Variants in MYH13 observed in about 807,000 individuals in gnomAD.
MYH13 encodes the protein myosin-13.
MYH13 carries 177 observed loss-of-function variants against 232.1 expected under a neutral mutation model. The ratio of observed to expected loss-of-function variants is 0.76; its 90% CI spans 0.67 to 0.86. The LOEUF (loss-of-function observed/expected upper bound fraction) is 0.86, where lower values mean the gene tolerates loss of function less well. Ranked by LOEUF, MYH13 falls within the 40% of genes least tolerant of loss-of-function variation. The pLI, the probability that MYH13 is intolerant of heterozygous loss-of-function variation, is 0.00. For synonymous variants in MYH13, 884 were observed against 923.5 expected (o/e 0.96, Z 0.78); for missense variants, 2,246 against 2,405.9 (o/e 0.93, Z 1.39).
intron 3 of MYH13, among the ~76,000 whole-genome samples, chr17:10,363,427 G>A (rs2071809703): frequency 2.0e-5 from 3 of 151,954 alleles, no homozygotes; most frequent in Non-Finnish European, 2.9e-5. Flanking sequence ...GGGTTTCACA[G>A]AAAAGATAAA....
In MYH13 at chr17:10,306,400, G is replaced by A. The variant is rs1906286505; in HGVS notation, c.5466+59C>T. On this transcript the variant is annotated intron_variant, in intron 37 of 40. Coordinates refer to ENST00000252172, the MANE Select transcript of MYH13 (RefSeq NM_003802.3). The surrounding 1 kb of genome is among the most constrained non-coding windows in gnomAD (Gnocchi z 4.3). ...CCTTTTCCCACCATCTCAGTTTCTG[G>A]ACTGTGGTTCTGTCCGAGGCTGTCA... 1 of 1,605,470 alleles carries A rather than the reference G, an allele frequency of 6.2e-7. No individual in the cohort carries two copies.
At chr17:10,334,826 C>G (rs2071559793) in intron 18 of MYH13, among the ~76,000 whole-genome samples, 1 of 152,084 alleles carries the variant, frequency 6.6e-6, no homozygotes, top group African/African-American at 2.4e-5. Context: ...TTGCAGTGAG[C>G]CGAGATTGTG....
In MYH13 at chr17:10,309,228, A is replaced by T. The variant is rs561600634; in HGVS notation, c.5169+6T>A. 1 of 1,612,214 alleles carries T rather than the reference A, an allele frequency of 6.2e-7. No individual in the cohort carries two copies. Among genetic ancestry groups the T allele is most frequent in the Non-Finnish European group, 8.5e-7 (1 of 1,179,482 alleles). ...ACCTTCAGCGGAGGAGTGAGGGCCG[A>T]CGCACCTGGGAGTGCAGGAGCTGCA... On this transcript the variant is annotated splice_donor_region_variant and intron_variant, in intron 35 of 40. Transcript: ENST00000252172.
chr17:10,356,521 G>A (rs2071750430), intron 8 of MYH13, among the ~76,000 whole-genome samples: 1 of 152,170 alleles, frequency 6.6e-6, no homozygotes, highest in Admixed American at 6.5e-5. Context: ...ACATACCTCT[G>A]CCATGTAACA....
intron 18 of MYH13, among the ~76,000 whole-genome samples, chr17:10,336,324 C>T (rs2071574914): frequency 6.6e-6 from 1 of 152,222 alleles, no homozygotes; most frequent in Non-Finnish European, 1.5e-5. Context: ...GCTATTCTCT[C>T]ATCCTTCTGC....
At chr17:10,302,148 T>G (rs539186382) in intron 39 of MYH13, among the ~76,000 whole-genome samples, 2 of 152,266 alleles carry the variant, frequency 1.3e-5, no homozygotes, top group East Asian at 3.9e-4. Flanking sequence ...TAAAATGTCC[T>G]CCTGGGCACC....
chr17:10,312,535 C>T (rs1387243048), intron 31 of MYH13, 39 bp downstream of exon 31: 1 of 1,583,014 alleles, frequency 6.3e-7, no homozygotes, highest in Non-Finnish European at 8.6e-7. Context: ...TTGAATTATC[C>T]TCATGCCATC....
At position 10,306,334 on chromosome 17, in the gene MYH13, A is replaced by G; in HGVS notation, c.5466+125T>C. 7.3e-7 allele frequency: 1 copy of G among 1,364,622 alleles called. No homozygotes were observed. The highest frequency in any genetic ancestry group is 1.0e-6 in the Non-Finnish European group (1 of 996,126). The allele number at this position is 1,364,622 out of a possible 1,614,324, so 84.5% of individuals were successfully genotyped here. A position where few individuals can be genotyped will look rare whatever the true frequency, so the allele number is the denominator to read the frequency against. ...AATGAAGCTCACAGGGAATTTTTCA[A>G]GCAGTCCTGAAACTGAATTTGCAAT... On this transcript the variant is annotated intron_variant, in intron 37 of 40. Coordinates refer to ENST00000252172, the MANE Select transcript of MYH13 (RefSeq NM_003802.3). The surrounding 1 kb of genome is among the most constrained non-coding windows in gnomAD (Gnocchi z 4.3).
chr17:10,309,722 G>C lies in MYH13; in HGVS notation c.4765C>G (p.Gln1589Glu). 6.2e-7 allele frequency: 1 copy of C among 1,604,198 alleles called. No individual in the cohort carries two copies. The change falls in exon 34 of 41, where the codon CAG becomes GAG. Residue 1589 changes from glutamine (Q) to glutamate (E), a missense_variant. Gln to Glu is a conservative substitution (Grantham distance 29, BLOSUM62 2). Coordinates refer to ENST00000252172, the MANE Select transcript of MYH13 (RefSeq NM_003802.3). ...KVIEKDEEIE[Q>E]LKRNSQRAAE... ...GCCCGCTGGCTGTTTCTTTTTAGCT[G>C]CTCGATTTCTTCATCCTTCTCAATG...
chr17:10,313,444 A>T (rs1906591827), intron 29 of MYH13, 90 bp from the exon 30 acceptor site: 1 of 1,583,078 alleles, frequency 6.3e-7, no homozygotes, highest in East Asian at 2.2e-5. Flanking sequence ...CCCCAACTTG[A>T]ATTATCCCTA....
chr17:10,313,105 C>T lies in MYH13; in HGVS notation c.4181+53G>A, dbSNP rs570183869. 5.0e-6 allele frequency: 8 copies of T among 1,612,414 alleles called. No individual in the cohort carries two copies. In the African/African-American group the frequency reaches 9.3e-5, roughly 19 times the overall value. On this transcript the variant is annotated intron_variant, in intron 30 of 40. Coordinates refer to ENST00000252172, the MANE Select transcript of MYH13 (RefSeq NM_003802.3). ...TCTCAAGATATGAAGACTCCTGGTCCCTTGGCTTGTGTCCTCGGGCCCCCT... is the reference window on the plus strand; with the variant it reads ...TCTCAAGATATGAAGACTCCTGGTCTCTTGGCTTGTGTCCTCGGGCCCCCT...
In MYH13 at chr17:10,318,940, C is replaced by T; in HGVS notation, c.3588G>A (p.Leu1196=). ...CCACACTATCTGCTTGCTTCTTCCTCAGGGTGGCTGCTGTGGCTTCGTGCT... is the reference window on the plus strand; with the variant it reads ...CCACACTATCTGCTTGCTTCTTCCTTAGGGTGGCTGCTGTGGCTTCGTGCT... The part of the protein sequence containing the change: ...TLQHEATAAT[L]RKKQADSVAE... Residue 1196 remains leucine, a synonymous_variant, in exon 27 of 41, where the codon CTG becomes CTA. Transcript: ENST00000252172. The T allele has an allele frequency of 1.2e-6, 2 of 1,614,200 alleles. No individual in the cohort carries two copies. The highest frequency in any genetic ancestry group is 1.7e-6 in the Non-Finnish European group (2 of 1,180,034).
At chr17:10,303,642 G>T in intron 37 of MYH13, 144 bp from the exon 38 acceptor site, 1 of 685,084 alleles carries the variant, frequency 1.5e-6, no homozygotes, top group Non-Finnish European at 2.5e-6. Context: ...TGGAGAGGAT[G>T]TGGAGAAATA....
intron 7 of MYH13, among the ~76,000 whole-genome samples, chr17:10,359,261 A>G (rs1290392621): frequency 6.6e-6 from 1 of 152,172 alleles, no homozygotes; most frequent in East Asian, 1.9e-4. Context: ...GAAGGAAAGA[A>G]GGGCTGGAGG....
intron 16 of MYH13, among the ~76,000 whole-genome samples, chr17:10,342,368 C>T (rs11869897): frequency 0.24 from 36,053 of 151,992 alleles, 4,743 homozygotes; most frequent in East Asian, 0.56. Context: ...CCCTGTGTAA[C>T]CACTCTGGAA....
intron 12 of MYH13, among the ~76,000 whole-genome samples, chr17:10,347,475 C>T (rs1231073050): frequency 6.6e-6 from 1 of 152,158 alleles, no homozygotes; most frequent in East Asian, 1.9e-4. Flanking sequence ...ACATGAGGCA[C>T]CTTCCTAATT....
At chr17:10,314,289 C>A (rs1238970397) in intron 29 of MYH13, among the ~76,000 whole-genome samples, 1 of 151,978 alleles carries the variant, frequency 6.6e-6, no homozygotes, top group Non-Finnish European at 1.5e-5. Flanking sequence ...GTGGCACATG[C>A]ACGTAATCCC....
At chr17:10,353,931 AGAAG>A (rs10587803) in intron 11 of MYH13, among the ~76,000 whole-genome samples, 37,510 of 145,978 alleles carry the variant, frequency 0.26, 5,165 homozygotes, top group Non-Finnish European at 0.3. Flanking sequence ...AAGGAAGGAA[AGAAG>A]GAAGGAAGGA....
chr17:10,313,709 T>C (rs1906602314), intron 29 of MYH13, among the ~76,000 whole-genome samples: 1 of 152,182 alleles, frequency 6.6e-6, no homozygotes, highest in African/African-American at 2.4e-5. Context: ...CCTCTATTTC[T>C]TAATAGGGTA....
Sources: allele counts gnomAD v4.1 joint callset (sites outside exome capture counted in the v4.1 genomes callset), GRCh38; gene constraint gnomAD v4.1.1; non-coding constraint Gnocchi (gnomAD v3.1); transcripts MANE v1.5; gene names NCBI Gene and HGNC (gene_info 2026-07-23, HGNC 2026-07-21).